Variants in EML1 observed in about 807,000 individuals in gnomAD.
The protein encoded by EML1 is echinoderm microtubule-associated protein-like 1.
A neutral mutation model predicts 110.4 loss-of-function variants in EML1; 27 were observed. The ratio of observed to expected loss-of-function variants is 0.24; its 90% CI spans 0.18 to 0.34. The LOEUF is 0.34. Among genes scored for constraint, EML1 ranks in the 10% least tolerant of loss-of-function variants. The probability of loss-of-function intolerance (pLI) is 1.00; values close to 1 mark genes in which losing one functional copy is unlikely to be tolerated. For missense variants in EML1, 741 were observed against 1,030.9 expected (o/e 0.72, Z 3.85); for synonymous variants, 344 against 385.8 (o/e 0.89, Z 1.27).
upstream of EML1, among the ~76,000 whole-genome samples, chr14:99,770,779 A>ATTTTTTTTTTTTT (rs34744469): frequency 1.9e-4 from 17 of 91,632 alleles, 3 homozygotes; most frequent in African/African-American, 5.8e-4. Context: ...GTTTCCGCTG[A>ATTTTTTTTTTTTT]TTTTTTTTTT....
intron 17 of EML1, 109 bp downstream of exon 17, chr14:99,920,986 A>T: frequency 9.7e-7 from 1 of 1,030,212 alleles, no homozygotes; most frequent in East Asian, 2.5e-5. Context: ...AACGTGTGCC[A>T]TGGTGGTTTA....
intron 1 of EML1, among the ~76,000 whole-genome samples, chr14:99,777,777 A>G (rs2057499063): frequency 6.6e-6 from 1 of 152,158 alleles, no homozygotes; most frequent in South Asian, 2.1e-4. Context: ...GTCCAAGTCC[A>G]AGCATTTTTG....
rs575168570 is a variant in EML1, at chr14:99,940,330, T to G, written c.*218T>G. ...TGTACAATATATGACACAGTGCACA[T>G]TGAATACCAACAAGGTTGCAACGTT... On this transcript the variant is annotated 3_prime_UTR_variant, in exon 22 of 22. Coordinates refer to ENST00000262233, the MANE Select transcript of EML1 (RefSeq NM_004434.3). 4.6e-6 allele frequency: 2 copies of G among 434,250 alleles called. No individual in the cohort carries two copies. The highest frequency in any genetic ancestry group is 8.8e-5 in the South Asian group (1 of 11,308). The allele number at this position is 434,250 out of a possible 1,614,324, so 26.9% of individuals were successfully genotyped here.
chr14:99,939,943 C>A lies in EML1; in HGVS notation c.2323-44C>A. 1 of 1,479,760 alleles carries A rather than the reference C, an allele frequency of 6.8e-7. No homozygotes were observed. Among genetic ancestry groups the A allele is most frequent in the Non-Finnish European group, 9.0e-7 (1 of 1,110,686 alleles). The allele number at this position is 1,479,760 out of a possible 1,614,324, so 91.7% of individuals were successfully genotyped here. On this transcript the variant is annotated intron_variant, in intron 21 of 21. Transcript: ENST00000262233. The surrounding 1 kb of genome is among the most constrained non-coding windows in gnomAD (Gnocchi z 4.2). Reference sequence around the variant, plus strand: ...AAGCACTTTCCCATCCCAGATGGTTCGCCTTGTAGTAAAGGAAGCTTTCCC... The same window carrying A: ...AAGCACTTTCCCATCCCAGATGGTTAGCCTTGTAGTAAAGGAAGCTTTCCC...
At chr14:99,802,500 G>A (rs1257798756) in intron 1 of EML1, among the ~76,000 whole-genome samples, 1 of 152,124 alleles carries the variant, frequency 6.6e-6, no homozygotes, top group Non-Finnish European at 1.5e-5. Context: ...TGGGCGGGGT[G>A]TTGGGAGCAA....
chr14:99,762,371 T>C (rs963447096), intron 1 of EML1, among the ~76,000 whole-genome samples: 4 of 152,168 alleles, frequency 2.6e-5, no homozygotes, highest in Non-Finnish European at 4.4e-5. Flanking sequence ...AAACAGAACT[T>C]ACACCACCAG....
intron 16 of EML1, 70 bp downstream of exon 16, chr14:99,917,919 C>A: frequency 6.7e-7 from 1 of 1,486,208 alleles, no homozygotes; most frequent in Non-Finnish European, 9.4e-7. Context: ...TCTATTTCCC[C>A]AGGAACAGGC....
At chr14:99,917,437 TG>T in intron 15 of EML1, among the ~76,000 whole-genome samples, 1 of 152,138 alleles carries the variant, frequency 6.6e-6, no homozygotes. Context: ...TAGCCAGGTG[TG>T]GTGACACACA....
At chr14:99,929,396 G>T (rs547541258) in intron 17 of EML1, among the ~76,000 whole-genome samples, 2 of 152,330 alleles carry the variant, frequency 1.3e-5, no homozygotes, top group East Asian at 3.9e-4. Flanking sequence ...AGTAACAGCA[G>T]CAGTGATGGC....
intron 4 of EML1, among the ~76,000 whole-genome samples, chr14:99,884,439 G>GA (rs1389254778): frequency 6.6e-6 from 1 of 152,238 alleles, no homozygotes; most frequent in African/African-American, 2.4e-5. Context: ...GAGTGGGAAG[G>GA]AGCAGCACAG....
intron 1 of EML1, among the ~76,000 whole-genome samples, chr14:99,782,940 T>C (rs1314256387): frequency 6.6e-6 from 1 of 152,190 alleles, no homozygotes; most frequent in Non-Finnish European, 1.5e-5. Context: ...TGTATCAATC[T>C]AGACAATCTT....
intron 1 of EML1, among the ~76,000 whole-genome samples, chr14:99,808,220 G>C (rs562831952): frequency 6.6e-6 from 1 of 152,312 alleles, no homozygotes; most frequent in East Asian, 1.9e-4. Context: ...CAGGGGCGCT[G>C]TGTTGTCTTT....
In EML1 at chr14:99,838,289, A is replaced by G. The variant is rs2058573219; in HGVS notation, c.68-12564A>G. Among the ~76,000 whole-genome samples, 4 of 148,840 alleles carry G rather than the reference A, an allele frequency of 2.7e-5. No individual in the cohort carries two copies. In the South Asian group the frequency reaches 8.3e-4, roughly 31 times the overall value. Reference sequence around the variant, plus strand: ...AGTTAGTAGAAAAAATTTAGATAATAATAGCTTTTATTTTATTCTTTTTGC... The same window carrying G: ...AGTTAGTAGAAAAAATTTAGATAATGATAGCTTTTATTTTATTCTTTTTGC... On this transcript the variant is annotated intron_variant, in intron 1 of 21. Coordinates refer to ENST00000262233, the MANE Select transcript of EML1 (RefSeq NM_004434.3).
At position 99,939,121 on chromosome 14, in the gene EML1, C is replaced by G. The variant is rs2060528157; in HGVS notation, c.2192-76C>G. ...AGGCAGTTTCATGTTCAGGACCGTT[C>G]AGTGGGCGCTTCCTGCGCCATGTGG... On this transcript the variant is annotated intron_variant, in intron 20 of 21. Coordinates refer to ENST00000262233, the MANE Select transcript of EML1 (RefSeq NM_004434.3). The surrounding 1 kb of genome is among the most constrained non-coding windows in gnomAD (Gnocchi z 4.2). The G allele has an allele frequency of 2.5e-6, 4 of 1,573,298 alleles. No individual in the cohort carries two copies. Among genetic ancestry groups the G allele is most frequent in the Non-Finnish European group, 3.4e-6 (4 of 1,161,810 alleles).
chr14:99,815,978 C>T (rs1439683071), intron 1 of EML1, among the ~76,000 whole-genome samples: 1 of 152,156 alleles, frequency 6.6e-6, no homozygotes, highest in African/African-American at 2.4e-5. Context: ...GTTACGGCAG[C>T]TGCTGTTGTT....
chr14:99,821,151 T>G (rs917637045), intron 1 of EML1, among the ~76,000 whole-genome samples: 1 of 151,656 alleles, frequency 6.6e-6, no homozygotes, highest in African/African-American at 2.4e-5. Flanking sequence ...GCCGCCCAAG[T>G]GGCTAGGACC....
intron 15 of EML1, chr14:99,915,008 T>C: frequency 2.6e-6 from 1 of 377,614 alleles, no homozygotes; most frequent in Non-Finnish European, 4.8e-6. Context: ...ATACTTGTTA[T>C]GAGCCTGCAT....
At chr14:99,853,226 G>A (rs1268487857) in intron 2 of EML1, among the ~76,000 whole-genome samples, 2 of 152,168 alleles carry the variant, frequency 1.3e-5, no homozygotes, top group African/African-American at 4.8e-5. Flanking sequence ...AAGCTTAGTT[G>A]CCAGAAGGTC....
chr14:99,867,698 A>G lies in EML1; in HGVS notation c.383+2052A>G, dbSNP rs542463548. On this transcript the variant is annotated intron_variant, in intron 3 of 21. Coordinates refer to ENST00000262233, the MANE Select transcript of EML1 (RefSeq NM_004434.3). ...ACCTGAAACTTTGTTGAAATTATGT[A>G]TTAGTCCTCACAGTTTTCTTCTGGA... 2.0e-5 allele frequency among the ~76,000 whole-genome samples: 3 copies of G among 152,248 alleles called. No homozygotes were observed. The East Asian group carries it at 5.8e-4, about 29-fold the overall frequency.
Sources: gnomAD v4.1 joint callset for allele counts (sites outside exome capture counted in the v4.1 genomes callset) on GRCh38, gnomAD v4.1.1 for gene constraint, Gnocchi (gnomAD v3.1) non-coding constraint, MANE v1.5 for transcripts, NCBI Gene and HGNC (gene_info 2026-07-23, HGNC 2026-07-21) for gene names.